DMBT1: variants seen among roughly 807,000 people sequenced by gnomAD.
The protein encoded by DMBT1 is scavenger receptor cysteine-rich domain-containing protein DMBT1.
A neutral mutation model predicts 252.9 loss-of-function variants in DMBT1; 198 were observed. The observed-to-expected ratio is 0.78, with a 90% CI of 0.70 to 0.88. The LOEUF (loss-of-function observed/expected upper bound fraction) is 0.88, where lower values mean the gene tolerates loss of function less well. Ranked by LOEUF, DMBT1 falls within the 40% of genes least tolerant of loss-of-function variation. The pLI is 0.00. For synonymous variants in DMBT1, 990 were observed against 942.7 expected (o/e 1.05, Z -0.92); for missense variants, 2,432 against 2,404.7 (o/e 1.01, Z -0.24).
rs1225743326 is a variant in DMBT1 at position 122,634,393 on chromosome 10, TTTCTTTC to T, written c.6548+1055_6548+1061del. Among the ~76,000 whole-genome samples the T allele has an allele frequency of 1.8e-3, 246 of 138,812 alleles. 4 individuals are homozygous for T. Among genetic ancestry groups the T allele is most frequent in the Admixed American group, 4.4e-3 (61 of 13,908 alleles). The allele number at this position is 138,812 out of a possible 152,430, so 91.1% of individuals were successfully genotyped here. The stretch of plus-strand genomic sequence containing the variant: ...CTTTCTTTCTTTCTTTCTTTCTTTC[TTTCTTTC>T]TTTTCTTTCTTTCTCTCTCTCTCTC... On this transcript the variant is annotated intron_variant, in intron 52 of 55. Transcript: ENST00000338354.
At position 122,637,214 on chromosome 10, in the gene DMBT1, A is replaced by G. The variant is rs747533805; in HGVS notation, c.6844A>G (p.Ile2282Val). The G allele has an allele frequency of 1.9e-5, 30 of 1,613,890 alleles. No homozygotes were observed. The East Asian group carries it at 5.3e-4, about 29-fold the overall frequency. ...SLGFSASDLV[I>V]STWNGYYECR... ...GGGCTTTTCTGCCAGTGACCTTGTC[A>G]TTTCCACCTGGAATGGATACTACGA... Residue 2282 changes from isoleucine to valine, a missense_variant, in exon 54 of 56, where the codon ATT (isoleucine) becomes GTT (valine). Physicochemically the swap from Ile to Val is conservative, Grantham distance 29. Transcript: ENST00000338354.
rs2097950167 is a variant in DMBT1, at chr10:122,601,048, T to C, written c.3343+25T>C. 6.1e-6 allele frequency: 5 copies of C among 815,820 alleles called. No individual in the cohort carries two copies. In the African/African-American group the frequency reaches 8.7e-5, roughly 14 times the overall value. 50.5% of individuals were successfully genotyped at this position (815,820 alleles called of 1,614,324 possible). ...GGTAAATAATCCTCTCACCCCTCCC[T>C]AGGGCTCACTGTCTCTGGACATATT... On this transcript the variant is annotated intron_variant, in intron 28 of 55. Transcript: ENST00000338354.
intron 44 of DMBT1, among the ~76,000 whole-genome samples, chr10:122,621,841 C>T (rs2098072724): frequency 6.6e-6 from 1 of 152,218 alleles, no homozygotes; most frequent in Non-Finnish European, 1.5e-5. Flanking sequence ...GGCATATGGG[C>T]TAAGAGTGCA....
Position 122,573,709 on chromosome 10 carries a change from C to A in DMBT1, c.236-6C>A, listed in dbSNP as rs1451621064. The A allele has an allele frequency of 6.2e-7, 1 of 1,613,800 alleles. No individual in the cohort carries two copies. The highest frequency in any genetic ancestry group is 2.2e-5 in the East Asian group (1 of 44,874). ...TCAATGAGCTCTTCCTTTCTCCACC[C>A]TGCAGGTTCTCTGATTCCCTCAGAG... is the stretch of plus-strand genomic sequence containing the variant. On this transcript the variant is annotated splice_region_variant and splice_polypyrimidine_tract_variant and intron_variant, in intron 5 of 55. Coordinates refer to ENST00000338354, the MANE Select transcript of DMBT1 (RefSeq NM_001377530.1).
Position 122,586,323 on chromosome 10 carries a change from C to G in DMBT1, c.1723C>G (p.His575Asp), listed in dbSNP as rs766174555. ...TGAGTCCTACTTGTGGAGCTGCCCC[C>G]ACAATGGCTGGCTCTCCCATAACTG... ...GNESYLWSCPHNGWLSHNCGH... is the reference protein window; with the variant it reads ...GNESYLWSCPDNGWLSHNCGH... The change falls in exon 16 of 56, where the codon CAC becomes GAC. Residue 575 changes from histidine to aspartate, a missense_variant. Physicochemically the swap from His to Asp is moderately conservative, Grantham distance 81. Around this residue, in one of 3 missense-constraint regions of DMBT1, gnomAD observed 1,264 missense variants for 1,082.2 expected, o/e 1.17. Transcript: ENST00000338354. 2 of 1,588,730 alleles carry G rather than the reference C, an allele frequency of 1.3e-6. No individual in the cohort carries two copies. Among genetic ancestry groups the G allele is most frequent in the South Asian group, 1.1e-5 (1 of 86,980 alleles).
chr10:122,575,228 A>G (rs539006479), intron 6 of DMBT1, among the ~76,000 whole-genome samples: 1 of 152,350 alleles, frequency 6.6e-6, no homozygotes, highest in African/African-American at 2.4e-5. Context: ...AGAGAAATCA[A>G]TTAGAGGCCT....
intron 54 of DMBT1, among the ~76,000 whole-genome samples, chr10:122,639,055 A>G (rs28495506): frequency 0.013 from 1,934 of 152,336 alleles, 31 homozygotes; most frequent in Admixed American, 0.047. Flanking sequence ...TGTGCCATCC[A>G]TGGCTGGAGC....
Position 122,629,328 on chromosome 10 carries a change from G to T in DMBT1, c.5669-512G>T, listed in dbSNP as rs528729443. 3.9e-5 allele frequency among the ~76,000 whole-genome samples: 6 copies of T among 152,350 alleles called. No homozygotes were observed. The South Asian group carries it at 8.3e-4, about 21-fold the overall frequency. On this transcript the variant is annotated intron_variant, in intron 46 of 55. Coordinates refer to ENST00000338354, the MANE Select transcript of DMBT1 (RefSeq NM_001377530.1). Reference sequence around the variant, plus strand: ...CTGGCTCCAGATCATGGAGCTGATAGAGGCAGAGCCAAGATGCAAACCCAG... The same window carrying T: ...CTGGCTCCAGATCATGGAGCTGATATAGGCAGAGCCAAGATGCAAACCCAG...
At chr10:122,586,476 C>A (rs2097790637) in intron 16 of DMBT1, 93 bp downstream of exon 16, 2 of 1,512,462 alleles carry the variant, frequency 1.3e-6, no homozygotes, top group Non-Finnish European at 1.8e-6. Context: ...AGAGCTTTTT[C>A]AACTTTTCCT....
In DMBT1 at chr10:122,631,171, T is replaced by C; in HGVS notation, c.6236T>C (p.Leu2079Pro). ...YFGSGSGPIT[L>P]DDVECSGTES... Reference sequence around the variant, plus strand: ...GGCTCTGGCTCTGGCCCCATCACCCTGGACGATGTAGAGTGCTCAGGGACG... The same window carrying C: ...GGCTCTGGCTCTGGCCCCATCACCCCGGACGATGTAGAGTGCTCAGGGACG... Residue 2079 changes from leucine to proline, a missense_variant, in exon 49 of 56, where the codon CTG becomes CCG. Leu to Pro is a moderately conservative substitution (Grantham distance 98, BLOSUM62 -3). Transcript: ENST00000338354. 1 of 1,614,006 alleles carries C rather than the reference T, an allele frequency of 6.2e-7. No homozygotes were observed. Among genetic ancestry groups the C allele is most frequent in the Non-Finnish European group, 8.5e-7 (1 of 1,179,896 alleles).
rs2097583159 is a variant in DMBT1, at chr10:122,565,607, GTC to G, written c.62-359_62-358del. Reference sequence around the variant, plus strand: ...TTTAGGGGTCATCTGAGTGGCTGTTGTCAATGCCAGCTATACTCAAATTTCAG... The same window carrying G: ...TTTAGGGGTCATCTGAGTGGCTGTTGAATGCCAGCTATACTCAAATTTCAG... On this transcript the variant is annotated intron_variant, in intron 1 of 55. Transcript: ENST00000338354. Among the ~76,000 whole-genome samples, 6 of 151,832 alleles carry G rather than the reference GTC, an allele frequency of 4.0e-5. No individual in the cohort carries two copies. In the South Asian group the frequency reaches 1.2e-3, roughly 32 times the overall value.
intron 40 of DMBT1, among the ~76,000 whole-genome samples, chr10:122,617,550 C>T (rs1463734661): frequency 1.3e-5 from 2 of 151,616 alleles, no homozygotes; most frequent in Non-Finnish European, 2.9e-5. Flanking sequence ...GACCTCTTTC[C>T]TGGCCCTCTG....
chr10:122,567,199 G>T (rs1045604646), intron 2 of DMBT1, among the ~76,000 whole-genome samples: 11 of 152,226 alleles, frequency 7.2e-5, no homozygotes, highest in Non-Finnish European at 1.5e-4. Context: ...CAGAGCAAGG[G>T]AGAGGCTGAG....
At chr10:122,577,865 G>A (rs2097726744) in intron 8 of DMBT1, 25 bp downstream of exon 8, 2 of 1,612,678 alleles carry the variant, frequency 1.2e-6, no homozygotes, top group Non-Finnish European at 1.7e-6. Flanking sequence ...TCCTTCCTCG[G>A]GATACCCCTT....
intron 24 of DMBT1, among the ~76,000 whole-genome samples, chr10:122,597,694 G>A (rs184063557): frequency 0.011 from 1,617 of 152,262 alleles, 27 homozygotes; most frequent in African/African-American, 0.036. Context: ...AGATGTACCC[G>A]TCAGTGCATG....
intron 2 of DMBT1, among the ~76,000 whole-genome samples, chr10:122,568,528 AG>A (rs2097624871): frequency 6.6e-6 from 1 of 151,990 alleles, no homozygotes; most frequent in Admixed American, 6.6e-5. Context: ...AGGAGTGAGG[AG>A]GGTAGGGATG....
chr10:122,585,921 C>T (rs765762177), intron 15 of DMBT1, 139 bp from the exon 16 acceptor site: 3 of 1,480,908 alleles, frequency 2.0e-6, no homozygotes, highest in Non-Finnish European at 2.7e-6. Context: ...GAAGCTGAAT[C>T]TCTGGTTTTA....
chr10:122,577,949 T>A, intron 8 of DMBT1, 109 bp downstream of exon 8: 1 of 1,229,750 alleles, frequency 8.1e-7, no homozygotes, highest in Non-Finnish European at 1.2e-6. Flanking sequence ...TGGGGCATAT[T>A]ATTTCACCCC....
At chr10:122,621,470 G>T (rs1395990437) in intron 44 of DMBT1, 90 bp downstream of exon 44, 8 of 1,579,602 alleles carry the variant, frequency 5.1e-6, no homozygotes, top group Non-Finnish European at 6.9e-6. Flanking sequence ...CTCACTCAAA[G>T]CTTCTCCTGT....
Sources: allele counts gnomAD v4.1 joint callset (sites outside exome capture counted in the v4.1 genomes callset), GRCh38; gene constraint gnomAD v4.1.1; regional missense constraint gnomAD v4.1.1; transcripts MANE v1.5; gene names NCBI Gene and HGNC (gene_info 2026-07-23, HGNC 2026-07-21).